Variants in PATJ observed in about 807,000 individuals in gnomAD.
PATJ encodes the protein PATJ crumbs cell polarity complex component, also known as inaD-like protein.
PATJ carries 190 observed loss-of-function variants against 224.9 expected under a neutral mutation model. The ratio of observed to expected loss-of-function variants is 0.84; its 90% CI spans 0.75 to 0.95. The LOEUF (loss-of-function observed/expected upper bound fraction) is 0.95, where lower values mean the gene tolerates loss of function less well. PATJ is among the 40% of genes least tolerant of loss of function. The pLI is 0.00. For missense variants in PATJ, 2,121 were observed against 2,270.3 expected (o/e 0.93, Z 1.34); for synonymous variants, 769 against 820.3 (o/e 0.94, Z 1.07).
At chr1:61,778,201 A>G (rs951538269) in intron 7 of PATJ, among the ~76,000 whole-genome samples, 1 of 151,946 alleles carries the variant, frequency 6.6e-6, no homozygotes, top group Non-Finnish European at 1.5e-5. Context: ...TATTTTTTGT[A>G]GAGACAGTCT....
At chr1:61,843,326 C>T (rs1380015686) in intron 17 of PATJ, among the ~76,000 whole-genome samples, 1 of 152,174 alleles carries the variant, frequency 6.6e-6, no homozygotes, top group Non-Finnish European at 1.5e-5. Context: ...GGTTTGCATT[C>T]TGGATATACT....
At chr1:61,997,504 A>G (rs1645435177) in intron 28 of PATJ, among the ~76,000 whole-genome samples, 1 of 152,198 alleles carries the variant, frequency 6.6e-6, no homozygotes, top group Non-Finnish European at 1.5e-5. Flanking sequence ...TTGCTCATTA[A>G]AAGAAATTGA....
intron 27 of PATJ, among the ~76,000 whole-genome samples, chr1:61,941,690 A>C (rs1677846293): frequency 6.6e-6 from 1 of 152,172 alleles, no homozygotes. Flanking sequence ...TAATTCTCTT[A>C]ATAGTCATAT....
intron 24 of PATJ, among the ~76,000 whole-genome samples, chr1:61,907,339 C>T (rs1354260589): frequency 6.6e-6 from 1 of 152,162 alleles, no homozygotes; most frequent in African/African-American, 2.4e-5. Flanking sequence ...AAAATAGAGG[C>T]AGTTAAAGGG....
In PATJ at chr1:61,901,427, A is replaced by G; in HGVS notation, c.3349A>G (p.Asn1117Asp). The stretch of plus-strand genomic sequence containing the variant: ...AGAAGACAGTCCAGCAGGGAAGACG[A>G]ACGCACTTAAAACTGGAGATAAAAT... The part of the protein sequence containing the change: ...VLEDSPAGKT[N>D]ALKTGDKILE... The change falls in exon 24 of 44, where the codon AAC becomes GAC. Residue 1117 changes from asparagine to aspartate, a missense_variant. Asn to Asp is a conservative substitution (Grantham distance 23). Transcript: ENST00000642238. 1 of 1,584,834 alleles carries G rather than the reference A, an allele frequency of 6.3e-7. No individual in the cohort carries two copies. The highest frequency in any genetic ancestry group is 8.5e-7 in the Non-Finnish European group (1 of 1,170,584).
At chr1:62,142,358 T>C (rs1027600361) in intron 41 of PATJ, among the ~76,000 whole-genome samples, 3 of 152,010 alleles carry the variant, frequency 2.0e-5, no homozygotes, top group Non-Finnish European at 4.4e-5. Context: ...TTTTTTTTTT[T>C]CTCCTTTAAG....
intron 20 of PATJ, among the ~76,000 whole-genome samples, chr1:61,867,907 A>G (rs2148973922): frequency 6.6e-6 from 1 of 152,296 alleles, no homozygotes; most frequent in Non-Finnish European, 1.5e-5. Context: ...ATCCCTTACA[A>G]ATATGTAATT....
chr1:61,839,365 G>A (rs1329617961), intron 17 of PATJ, among the ~76,000 whole-genome samples: 2 of 151,876 alleles, frequency 1.3e-5, no homozygotes, highest in East Asian at 3.9e-4. Context: ...AATTAATATA[G>A]TGTGCTCATA....
chr1:62,102,371 G>A (rs944442957), intron 33 of PATJ, among the ~76,000 whole-genome samples: 2 of 152,118 alleles, frequency 1.3e-5, no homozygotes, highest in African/African-American at 4.8e-5. Flanking sequence ...CCTCAGTTCT[G>A]TGCCGTTAAT....
At chr1:61,943,581 G>T (rs935240183) in intron 27 of PATJ, among the ~76,000 whole-genome samples, 1 of 152,128 alleles carries the variant, frequency 6.6e-6, no homozygotes, top group Non-Finnish European at 1.5e-5. Context: ...AAATGAAGCC[G>T]CCGGGAAGCT....
intron 41 of PATJ, among the ~76,000 whole-genome samples, chr1:62,145,658 TCAAAAAATAAAGAAAAGGC>T (rs1212245981): frequency 2.0e-5 from 3 of 151,104 alleles, no homozygotes; most frequent in African/African-American, 7.3e-5. Flanking sequence ...AGTCCCTGTC[TCAAAAAATAAAGAAAAGGC>T]CAGGTGCAGT....
intron 33 of PATJ, among the ~76,000 whole-genome samples, chr1:62,094,861 T>G (rs1661213056): frequency 6.6e-6 from 1 of 152,238 alleles, no homozygotes; most frequent in Non-Finnish European, 1.5e-5. Context: ...CAGAGTTTTG[T>G]AAGGGTCAAC....
intron 16 of PATJ, 43 bp downstream of exon 16, chr1:61,827,626 C>T (rs1658510113): frequency 1.9e-6 from 3 of 1,568,404 alleles, no homozygotes; most frequent in African/African-American, 1.4e-5. Flanking sequence ...CATGCCCATT[C>T]ATCAAAGATG....
chr1:62,001,426 G>A lies in PATJ; in HGVS notation c.3867+11062G>A, dbSNP rs542522051. 1.0e-4 allele frequency among the ~76,000 whole-genome samples: 15 copies of A among 148,574 alleles called. 1 individual carries two copies. In the East Asian group the frequency reaches 2.9e-3, roughly 29 times the overall value. On this transcript the variant is annotated intron_variant, in intron 28 of 43. Coordinates refer to ENST00000642238, the MANE Select transcript of PATJ (RefSeq NM_001350145.3). ...TACATATGGCTAGCCAGTTTTCCCA[G>A]CACCATTTATTAAATAGGGAATCCT...
intron 30 of PATJ, among the ~76,000 whole-genome samples, chr1:62,041,833 A>G (rs1324783307): frequency 6.6e-6 from 1 of 152,164 alleles, no homozygotes; most frequent in Non-Finnish European, 1.5e-5. Context: ...GATCGAGACC[A>G]TCCTGGCTAA....
At chr1:61,788,900 C>G (rs1267744469) in intron 8 of PATJ, among the ~76,000 whole-genome samples, 1 of 152,064 alleles carries the variant, frequency 6.6e-6, no homozygotes, top group Non-Finnish European at 1.5e-5. Context: ...TCTCGAACTC[C>G]CAACCTCAGG....
chr1:61,995,521 G>A (rs1051543814), intron 28 of PATJ, among the ~76,000 whole-genome samples: 1 of 152,150 alleles, frequency 6.6e-6, no homozygotes, highest in African/African-American at 2.4e-5. Context: ...CCCTGTCCAT[G>A]ACACACTTTT....
intron 21 of PATJ, among the ~76,000 whole-genome samples, chr1:61,879,898 G>A (rs1344431206): frequency 6.6e-6 from 1 of 151,660 alleles, no homozygotes; most frequent in African/African-American, 2.4e-5. Flanking sequence ...GAGTGCAGTG[G>A]TGTGATCTTG....
At chr1:61,943,749 C>T (rs1188843130) in intron 27 of PATJ, among the ~76,000 whole-genome samples, 1 of 152,200 alleles carries the variant, frequency 6.6e-6, no homozygotes, top group Admixed American at 6.5e-5. Context: ...GTTCTCCCAC[C>T]ACAGAGTTTG....
Sources: allele counts gnomAD v4.1 joint callset (sites outside exome capture counted in the v4.1 genomes callset), GRCh38; gene constraint gnomAD v4.1.1; transcripts MANE v1.5; gene names NCBI Gene and HGNC (gene_info 2026-07-23, HGNC 2026-07-21).